Variants in SLC26A3 observed in about 807,000 individuals in gnomAD.
The protein encoded by SLC26A3 is solute carrier family 26 member 3.
A neutral mutation model predicts 85.6 loss-of-function variants in SLC26A3; 64 were observed. That is an observed-to-expected ratio of 0.75 (90% CI 0.61 to 0.92). SLC26A3 has a LOEUF of 0.92. Among genes scored for constraint, SLC26A3 ranks in the 40% least tolerant of loss-of-function variants. The pLI is 0.00. For missense variants in SLC26A3, 922 were observed against 927.3 expected, an observed-to-expected ratio of 0.99 and a Z score of 0.07; for synonymous variants, 349 against 336.0, an observed-to-expected ratio of 1.04 and a Z score of -0.42.
At chr7:107,792,856 G>C (rs1794426801) in intron 3 of SLC26A3, among the ~76,000 whole-genome samples, 1 of 152,164 alleles carries the variant, frequency 6.6e-6, no homozygotes, top group South Asian at 2.1e-4. Flanking sequence ...CAAGGGTCTG[G>C]TATCCAGAAT....
In SLC26A3 at chr7:107,774,115, A is replaced by G. The variant is rs372871858; in HGVS notation, c.1812T>C (p.Ser604=). The change falls in exon 17 of 21, where the codon TCT becomes TCC. Residue 604 remains serine (S), a synonymous_variant. Coordinates refer to ENST00000340010, the MANE Select transcript of SLC26A3 (RefSeq NM_000111.3). Reference sequence around the variant, plus strand: ...TCTGATTGTTGTCCAGCTCTTCGTCAGAATCTTTTATGGTGTCAACAGTAC... The same window carrying G: ...TCTGATTGTTGTCCAGCTCTTCGTCGGAATCTTTTATGGTGTCAACAGTAC... The part of the protein sequence containing the change: ...FICTVDTIKD[S]DEELDNNQIE... The G allele has an allele frequency of 4.3e-6, 7 of 1,614,072 alleles. No individual in the cohort carries two copies. The highest frequency in any genetic ancestry group is 5.9e-6 in the Non-Finnish European group (7 of 1,180,030).
At chr7:107,797,739 C>CATTTTTTTTTTTTTTTTTTTTTTTT (rs781396459) in intron 1 of SLC26A3, among the ~76,000 whole-genome samples, 1 of 70,530 alleles carries the variant, frequency 1.4e-5, no homozygotes, top group African/African-American at 8.3e-5. Flanking sequence ...TTGAGCAGGA[C>CATTTTTTTTTTTTTTTTTTTTTTTT]CTTTTTTTTT....
At chr7:107,779,007 A>T (rs1446499010) in intron 12 of SLC26A3, among the ~76,000 whole-genome samples, 1 of 152,062 alleles carries the variant, frequency 6.6e-6, no homozygotes, top group Admixed American at 6.6e-5. Flanking sequence ...AAAAATCAGC[A>T]AATTAACTGG....
At chr7:107,775,960 T>A (rs1334871302) in intron 15 of SLC26A3, 1 of 203,472 alleles carries the variant, frequency 4.9e-6, no homozygotes, top group African/African-American at 2.3e-5. Context: ...AGGACTGAGC[T>A]TTTTTTCTTA....
chr7:107,791,725 T>C, intron 4 of SLC26A3, 105 bp downstream of exon 4: 1 of 789,040 alleles, frequency 1.3e-6, no homozygotes, highest in Non-Finnish European at 2.2e-6. Context: ...AGACCATGAC[T>C]CTTCTCCTGG....
intron 1 of SLC26A3, among the ~76,000 whole-genome samples, chr7:107,794,999 C>T (rs1247931000): frequency 1.3e-5 from 2 of 151,974 alleles, no homozygotes; most frequent in Non-Finnish European, 2.9e-5. Context: ...TCCAATTTAC[C>T]CAACAGAATT....
chr7:107,776,747 T>G, intron 13 of SLC26A3, 41 bp from the exon 14 acceptor site: 1 of 1,580,764 alleles, frequency 6.3e-7, no homozygotes, highest in Non-Finnish European at 8.7e-7. Context: ...TCATGTATGT[T>G]TGTTAAGCCT....
At chr7:107,769,979 C>CCCTT (rs1390551566) in intron 18 of SLC26A3, among the ~76,000 whole-genome samples, 5 of 141,914 alleles carry the variant, frequency 3.5e-5, no homozygotes, top group East Asian at 2.2e-4. Flanking sequence ...CTCCCTCCCT[C>CCCTT]CCTTCCTTCC....
chr7:107,799,738 G>C (rs1205963116), intron 1 of SLC26A3, among the ~76,000 whole-genome samples: 1 of 152,102 alleles, frequency 6.6e-6, no homozygotes, highest in Non-Finnish European at 1.5e-5. Context: ...TTTCCTTCTA[G>C]GGCTGTTCTT....
chr7:107,780,892 A>G (rs914741631), intron 11 of SLC26A3, among the ~76,000 whole-genome samples: 1 of 152,244 alleles, frequency 6.6e-6, no homozygotes, highest in African/African-American at 2.4e-5. Flanking sequence ...ATATTGTACT[A>G]CAGCTGTGTA....
intron 18 of SLC26A3, among the ~76,000 whole-genome samples, chr7:107,770,034 C>CTTTA (rs1166533359): frequency 1.1e-5 from 1 of 92,834 alleles, no homozygotes; most frequent in Non-Finnish European, 2.2e-5. Flanking sequence ...TTCTTTCTTT[C>CTTTA]TTTCTTTCTT....
rs548357587 is a variant in SLC26A3, at chr7:107,802,784, C to T, written c.-89+327G>A. Among the ~76,000 whole-genome samples the T allele has an allele frequency of 1.4e-3, 202 of 139,916 alleles. 1 individual carries two copies. The highest frequency in any genetic ancestry group is 2.0e-3 in the East Asian group (9 of 4,614). The allele number at this position is 139,916 out of a possible 152,430, so 91.8% of individuals were successfully genotyped here. The stretch of plus-strand genomic sequence containing the variant: ...TTTGCCAACCCTCAGAGCAGACAAT[C>T]TATCTATAAAGTCAGATTTGAGTGG... On this transcript the variant is annotated intron_variant, in intron 1 of 20. Transcript: ENST00000340010.
chr7:107,772,884 T>C lies in SLC26A3; in HGVS notation c.2008-776A>G, dbSNP rs75227508. Among the ~76,000 whole-genome samples, 133 of 152,292 alleles carry C rather than the reference T, an allele frequency of 8.7e-4. 4 individuals are homozygous for C. The East Asian group carries it at 0.025, about 29-fold the overall frequency. ...AGTAGACTTGAGAGTTACATGATGT[T>C]AACATTTAAAAAAAATTCTTCCATT... On this transcript the variant is annotated intron_variant, in intron 17 of 20. Coordinates refer to ENST00000340010, the MANE Select transcript of SLC26A3 (RefSeq NM_000111.3).
intron 1 of SLC26A3, among the ~76,000 whole-genome samples, chr7:107,796,502 C>G (rs1794503089): frequency 6.6e-6 from 1 of 152,192 alleles, no homozygotes. Context: ...TCTTCCATCT[C>G]TCCACCCACA....
At chr7:107,772,954 T>C (rs1794051109) in intron 17 of SLC26A3, among the ~76,000 whole-genome samples, 1 of 152,170 alleles carries the variant, frequency 6.6e-6, no homozygotes, top group Admixed American at 6.5e-5. Flanking sequence ...AGGTCTTATC[T>C]TAGGTCAGCT....
At chr7:107,801,470 G>C (rs1157066776) in intron 1 of SLC26A3, among the ~76,000 whole-genome samples, 1 of 152,140 alleles carries the variant, frequency 6.6e-6, no homozygotes, top group Non-Finnish European at 1.5e-5. Context: ...TCTTCCCCTT[G>C]CTTCTCAACA....
intron 1 of SLC26A3, among the ~76,000 whole-genome samples, chr7:107,795,448 T>C (rs566130719): frequency 2.0e-5 from 3 of 152,244 alleles, no homozygotes; most frequent in Non-Finnish European, 4.4e-5. Context: ...TTTGACAAAA[T>C]GTTTAAATGC....
At chr7:107,791,315 T>A in intron 4 of SLC26A3, 80 bp from the exon 5 acceptor site, 1 of 1,451,470 alleles carries the variant, frequency 6.9e-7, no homozygotes, top group African/African-American at 1.4e-5. Context: ...TAAGACCATA[T>A]AAAATGACTG....
Position 107,794,616 on chromosome 7 carries a change from T to G in SLC26A3, c.-88-19A>C. 1 of 1,209,016 alleles carries G rather than the reference T, an allele frequency of 8.3e-7. No homozygotes were observed. The allele number at this position is 1,209,016 out of a possible 1,614,324, so 74.9% of individuals were successfully genotyped here. A position where few individuals can be genotyped will look rare whatever the true frequency, so the allele number is the denominator to read the frequency against. On this transcript the variant is annotated intron_variant, in intron 1 of 20. Coordinates refer to ENST00000340010, the MANE Select transcript of SLC26A3 (RefSeq NM_000111.3). ...AAAATGCCTGAAACCAAACAGAGCT[T>G]GCTTCTTAAATAACTCAGAGATAAT...
Sources: allele counts gnomAD v4.1 joint callset (sites outside exome capture counted in the v4.1 genomes callset), GRCh38; gene constraint gnomAD v4.1.1; transcripts MANE v1.5; gene names NCBI Gene and HGNC (gene_info 2026-07-23, HGNC 2026-07-21).